Variants in MELTF observed in about 807,000 individuals in gnomAD.
The protein encoded by MELTF is melanotransferrin.
In MELTF, 67 loss-of-function variants were observed where a neutral mutation model predicts 83.7. That is an observed-to-expected ratio of 0.80 (90% CI 0.66 to 0.98). The LOEUF (loss-of-function observed/expected upper bound fraction) is 0.98. Ranked by LOEUF, MELTF falls within the 50% of genes least tolerant of loss-of-function variation. The pLI is 0.00. For synonymous variants in MELTF, 462 were observed against 447.6 expected, an observed-to-expected ratio of 1.03 and a Z score of -0.41; for missense variants, 1,002 against 1,035.6, an observed-to-expected ratio of 0.97 and a Z score of 0.44.
intron 11 of MELTF, 135 bp from the exon 12 acceptor site, chr3:197,009,100 C>G: frequency 9.8e-7 from 1 of 1,021,898 alleles, no homozygotes; most frequent in East Asian, 2.5e-5. Flanking sequence ...CTCCGCTCCC[C>G]TCAGCTCTGA....
Position 197,021,410 on chromosome 3 carries a change from T to C in MELTF, c.706A>G (p.Thr236Ala), listed in dbSNP as rs764676635. The C allele has an allele frequency of 9.3e-6, 15 of 1,613,900 alleles. No individual in the cohort carries two copies. In the African/African-American group the frequency reaches 1.6e-4, roughly 17 times the overall value. Residue 236 changes from threonine to alanine, a missense_variant, in exon 6 of 16, where the codon ACG becomes GCG. By Grantham distance (58) the Thr-to-Ala change is moderately conservative. Coordinates refer to ENST00000296350, the MANE Select transcript of MELTF (RefSeq NM_005929.6). The part of the protein sequence containing the change: ...FVKHSTVLEN[T>A]DGKTLPSWGQ... ...GTGCCCCTCCCCCACTCACCATCCGTGTTCTCCAGTACCGTGCTGTGCTTC... is the reference window on the plus strand; with the variant it reads ...GTGCCCCTCCCCCACTCACCATCCGCGTTCTCCAGTACCGTGCTGTGCTTC...
chr3:197,005,888 C>CAGTCT (rs1718956514), intron 14 of MELTF, among the ~76,000 whole-genome samples: 1 of 151,990 alleles, frequency 6.6e-6, no homozygotes, highest in African/African-American at 2.4e-5. Context: ...CTTGTTAACT[C>CAGTCT]CAGAGCAGAC....
rs759104120 is a variant in MELTF, at chr3:197,024,339, C to T, written c.451G>A (p.Gly151Ser). Residue 151 changes from glycine (G) to serine (S), a missense_variant, in exon 4 of 16, where the codon GGC becomes AGC. Gly to Ser is a moderately conservative substitution (Grantham distance 56). Coordinates refer to ENST00000296350, the MANE Select transcript of MELTF (RefSeq NM_005929.6). This position sits in a 1 kb window ranked among gnomAD's most constrained non-coding sequence, Gnocchi z 5.3. ...NVPVGYLVESGRLSVMGCDVL... is the reference protein window; with the variant it reads ...NVPVGYLVESSRLSVMGCDVL... ...TCGCAGCCCATCACCGAGAGGCGGC[C>T]GCTCTCCACCAGGTAGCCCACGGGC... The T allele has an allele frequency of 1.2e-5, 19 of 1,590,322 alleles. No homozygotes were observed. The highest frequency in any genetic ancestry group is 6.8e-5 in the East Asian group (3 of 44,312).
At chr3:197,004,976 A>AG (rs1323262327) in intron 14 of MELTF, among the ~76,000 whole-genome samples, 1 of 152,164 alleles carries the variant, frequency 6.6e-6, no homozygotes, top group African/African-American at 2.4e-5. Context: ...CCTGGGATAG[A>AG]GGGGTTCTGT....
At chr3:197,012,352 G>A (rs1303650204) in intron 9 of MELTF, among the ~76,000 whole-genome samples, 3 of 152,370 alleles carry the variant, frequency 2.0e-5, no homozygotes, top group Middle Eastern at 6.8e-3. Flanking sequence ...GATGGTCACA[G>A]CCACCGCCAG....
chr3:197,027,470 G>A (rs950534900), intron 2 of MELTF, among the ~76,000 whole-genome samples: 2 of 152,256 alleles, frequency 1.3e-5, no homozygotes, highest in Non-Finnish European at 2.9e-5. Flanking sequence ...CCACTGAGGG[G>A]CCGCCACCAT....
In MELTF at chr3:197,003,971, G is replaced by T. The variant is rs1419545489; in HGVS notation, c.2067C>A (p.Tyr689Ter). Residue 689 changes from tyrosine (Y) to a stop codon, truncating the protein, a stop_gained, in exon 15 of 16, where the codon TAC (tyrosine) becomes TAA (stop). Transcript: ENST00000296350. LOFTEE classifies it high-confidence loss of function. The surrounding 1 kb of genome is among the most constrained non-coding windows in gnomAD (Gnocchi z 6.2). ...RAVPVGEKTT[Y>*]RGWLGLDYVA... The stretch of plus-strand genomic sequence containing the variant: ...CGTAGTCCAGCCCCAGCCAGCCGCG[G>T]TAGGTGGTTTTCTCTCCGACAGGCA... 6.2e-7 allele frequency: 1 copy of T among 1,614,160 alleles called. No individual in the cohort carries two copies. The highest frequency in any genetic ancestry group is 1.1e-5 in the South Asian group (1 of 91,092).
intron 6 of MELTF, among the ~76,000 whole-genome samples, chr3:197,020,738 G>A (rs1422073090): frequency 1.3e-5 from 2 of 150,894 alleles, no homozygotes; most frequent in Admixed American, 6.6e-5. Context: ...GTGTGATCTC[G>A]GCTCACTGCA....
In MELTF at chr3:197,029,774, T is replaced by G. The variant is rs1272565190; in HGVS notation, c.-72A>C. 1 of 1,041,616 alleles carries G rather than the reference T, an allele frequency of 9.6e-7. No individual in the cohort carries two copies. The highest frequency in any genetic ancestry group is 1.7e-5 in the African/African-American group (1 of 60,444). 64.5% of individuals were successfully genotyped at this position (1,041,616 alleles called of 1,614,324 possible). A position where few individuals can be genotyped will look rare whatever the true frequency, so the allele number is the denominator to read the frequency against. On this transcript the variant is annotated 5_prime_UTR_variant, in exon 1 of 16. Coordinates refer to ENST00000296350, the MANE Select transcript of MELTF (RefSeq NM_005929.6). This position sits in a 1 kb window ranked among gnomAD's most constrained non-coding sequence, Gnocchi z 6.5. ...CCGAGGAGGTCCGCAGCAGCCGGGCTTCCTCCCTGCTCCCCCTCGCGCTGG... is the reference window on the plus strand; with the variant it reads ...CCGAGGAGGTCCGCAGCAGCCGGGCGTCCTCCCTGCTCCCCCTCGCGCTGG...
chr3:197,009,731 C>G lies in MELTF; in HGVS notation c.1412G>C (p.Arg471Pro). 1 of 1,613,612 alleles carries G rather than the reference C, an allele frequency of 6.2e-7. No individual in the cohort carries two copies. Among genetic ancestry groups the G allele is most frequent in the Non-Finnish European group, 8.5e-7 (1 of 1,180,036 alleles). ...SSHAFTLDEL[R>P]GKRSCHAGFG... The stretch of plus-strand genomic sequence containing the variant: ...ACCGGCGTGGCAGGAGCGCTTGCCC[C>G]GAAGCTCATCCAAGGTGAAGGCGTG... The change falls in exon 11 of 16, where the codon CGG becomes CCG. Residue 471 changes from arginine to proline, a missense_variant. Arg to Pro is a moderately radical substitution (Grantham distance 103). Coordinates refer to ENST00000296350, the MANE Select transcript of MELTF (RefSeq NM_005929.6).
Position 197,029,778 on chromosome 3 carries a change from T to C in MELTF, c.-76A>G. The C allele has an allele frequency of 2.0e-6, 2 of 1,017,008 alleles. No homozygotes were observed. The highest frequency in any genetic ancestry group is 2.5e-6 in the Non-Finnish European group (2 of 792,892). 63.0% of individuals were successfully genotyped at this position (1,017,008 alleles called of 1,614,324 possible). On this transcript the variant is annotated 5_prime_UTR_variant, in exon 1 of 16. Transcript: ENST00000296350. This position sits in a 1 kb window ranked among gnomAD's most constrained non-coding sequence, Gnocchi z 6.5. ...GGAGGTCCGCAGCAGCCGGGCTTCC[T>C]CCCTGCTCCCCCTCGCGCTGGCCCG...
chr3:197,019,211 C>CGGG, intron 6 of MELTF: 2 of 1,002,680 alleles, frequency 2.0e-6, no homozygotes, highest in Non-Finnish European at 2.4e-6. Flanking sequence ...TCCTGTTTTT[C>CGGG]GGCGGCTGCA....
chr3:197,005,774 GC>G (rs1478615280), intron 14 of MELTF, among the ~76,000 whole-genome samples: 6 of 152,248 alleles, frequency 3.9e-5, no homozygotes, highest in Non-Finnish European at 1.5e-5. Flanking sequence ...CAGCTTCAGG[GC>G]CCTGGTGGGA....
intron 3 of MELTF, chr3:197,026,437 G>A (rs1299829165): frequency 1.9e-5 from 11 of 564,460 alleles, no homozygotes; most frequent in Non-Finnish European, 3.5e-5. Context: ...GGGGGCTGCT[G>A]GGCTCCCTGC....
Position 197,029,813 on chromosome 3 carries a change from A to G in MELTF, c.-111T>C. 3 of 764,872 alleles carry G rather than the reference A, an allele frequency of 3.9e-6. No homozygotes were observed. The highest frequency in any genetic ancestry group is 5.3e-6 in the Non-Finnish European group (3 of 563,524). 47.4% of individuals were successfully genotyped at this position (764,872 alleles called of 1,614,324 possible). ...CCCTCGCGCTGGCCCGAGCTCCTTA[A>G]GTGCGGCCGCGAGTTCCCGGGCGGA... On this transcript the variant is annotated 5_prime_UTR_variant, in exon 1 of 16. Transcript: ENST00000296350. The surrounding 1 kb of genome is among the most constrained non-coding windows in gnomAD (Gnocchi z 6.5).
At chr3:197,010,171 G>C (rs1719137365) in intron 10 of MELTF, among the ~76,000 whole-genome samples, 1 of 152,248 alleles carries the variant, frequency 6.6e-6, no homozygotes, top group Admixed American at 6.5e-5. Context: ...CTACAGCCCA[G>C]AGATTGCTCA....
At chr3:197,015,615 G>A (rs1164264933) in intron 8 of MELTF, 99 bp from the exon 9 acceptor site, 4 of 1,316,704 alleles carry the variant, frequency 3.0e-6, no homozygotes, top group Non-Finnish European at 4.1e-6. Context: ...CTCCTGTCAG[G>A]TGTGTGGCTG....
At position 197,029,626 on chromosome 3, in the gene MELTF, G is replaced by T; in HGVS notation, c.49+28C>A. The T allele has an allele frequency of 8.1e-7, 1 of 1,240,738 alleles. No homozygotes were observed. Among genetic ancestry groups the T allele is most frequent in the African/African-American group, 1.5e-5 (1 of 64,576 alleles). 76.9% of individuals were successfully genotyped at this position (1,240,738 alleles called of 1,614,324 possible). ...CCGCGGCGCCCCGGGACCCCCGCCC[G>T]CCTTTGGCTCTCACAGCGGGGCCTC... On this transcript the variant is annotated intron_variant, in intron 1 of 15. Transcript: ENST00000296350. The surrounding 1 kb of genome is among the most constrained non-coding windows in gnomAD (Gnocchi z 6.5).
chr3:197,017,660 G>A (rs1179880671), intron 6 of MELTF, among the ~76,000 whole-genome samples: 15 of 152,302 alleles, frequency 9.8e-5, no homozygotes, highest in East Asian at 7.7e-4. Context: ...GGCGGATCAC[G>A]AGGTCAGGAG....
Sources: allele counts gnomAD v4.1 joint callset (sites outside exome capture counted in the v4.1 genomes callset), GRCh38; gene constraint gnomAD v4.1.1; non-coding constraint Gnocchi (gnomAD v3.1); transcripts MANE v1.5; gene names NCBI Gene and HGNC (gene_info 2026-07-23, HGNC 2026-07-21).